The following FADS3 variants were observed in gnomAD, a reference collection of about 807,000 sequenced individuals.
The protein encoded by FADS3 is cytochrome b5-related protein.
In FADS3, 30 loss-of-function variants were observed where a neutral mutation model predicts 60.4. The ratio of observed to expected loss-of-function variants is 0.50; its 90% CI spans 0.37 to 0.67. The LOEUF (loss-of-function observed/expected upper bound fraction) is 0.67. Ranked by LOEUF, FADS3 falls within the 30% of genes least tolerant of loss-of-function variation. The pLI, the probability that FADS3 is intolerant of heterozygous loss-of-function variation, is 0.00. For synonymous variants in FADS3, 234 were observed against 249.3 expected, an observed-to-expected ratio of 0.94 and a Z score of 0.58; for missense variants, 432 against 598.3, an observed-to-expected ratio of 0.72 and a Z score of 2.90.
Position 61,873,578 on chromosome 11 carries a change from T to G in FADS3, c.*236A>C. The G allele has an allele frequency of 1.8e-6, 1 of 568,026 alleles. No homozygotes were observed. The highest frequency in any genetic ancestry group is 2.1e-5 in the South Asian group (1 of 47,328). 35.2% of individuals were successfully genotyped at this position (568,026 alleles called of 1,614,324 possible). A position where few individuals can be genotyped will look rare whatever the true frequency, so the allele number is the denominator to read the frequency against. On this transcript the variant is annotated 3_prime_UTR_variant, in exon 12 of 12. Coordinates refer to ENST00000278829, the MANE Select transcript of FADS3 (RefSeq NM_021727.5). ...ATAACAGCTTTCCCCCAATTCTCGC[T>G]CTAGGAAAATGTGCTATGCTCACCT... is the stretch of plus-strand genomic sequence containing the variant.
At chr11:61,874,310 G>T (rs1480039823) in intron 11 of FADS3, among the ~76,000 whole-genome samples, 61 of 152,246 alleles carry the variant, frequency 4.0e-4, no homozygotes, top group Non-Finnish European at 1.5e-5. Flanking sequence ...AAAGGGCTGT[G>T]CCAAATGGCA....
At chr11:61,886,550 C>A (rs1938325897) in intron 1 of FADS3, among the ~76,000 whole-genome samples, 1 of 152,236 alleles carries the variant, frequency 6.6e-6, no homozygotes, top group South Asian at 2.1e-4. Context: ...ACCCCCCAAC[C>A]AACTCCTGTG....
At position 61,873,595 on chromosome 11, in the gene FADS3, T is replaced by C; in HGVS notation, c.*219A>G. 1.7e-6 allele frequency: 1 copy of C among 583,298 alleles called. No homozygotes were observed. The highest frequency in any genetic ancestry group is 3.1e-6 in the Non-Finnish European group (1 of 327,716). 36.1% of individuals were successfully genotyped at this position (583,298 alleles called of 1,614,324 possible). On this transcript the variant is annotated 3_prime_UTR_variant, in exon 12 of 12. Transcript: ENST00000278829. ...ATTCTCGCTCTAGGAAAATGTGCTA[T>C]GCTCACCTTCCCTCTACCCCTGTCC...
chr11:61,879,083 G>T (rs1330323051), intron 3 of FADS3, among the ~76,000 whole-genome samples: 1 of 152,246 alleles, frequency 6.6e-6, no homozygotes. Context: ...CCCTGTGCTT[G>T]ATCGGAATCT....
rs567982589 is a variant in FADS3, at chr11:61,878,853, G to A, written c.523-6C>T. The stretch of plus-strand genomic sequence containing the variant: ...TGCAGACACCAGGACTGAGCCTGGG[G>A]AGAGAGGCAGGGTCAGAAGCTGTTG... On this transcript the variant is annotated splice_region_variant and splice_polypyrimidine_tract_variant and intron_variant, in intron 3 of 11. Coordinates refer to ENST00000278829, the MANE Select transcript of FADS3 (RefSeq NM_021727.5). The A allele has an allele frequency of 7.4e-6, 12 of 1,613,250 alleles. No homozygotes were observed. The highest frequency in any genetic ancestry group is 1.0e-5 in the Non-Finnish European group (12 of 1,179,376).
intron 11 of FADS3, 63 bp downstream of exon 11, chr11:61,875,788 G>A (rs1324676263): frequency 1.3e-6 from 2 of 1,579,660 alleles, no homozygotes; most frequent in South Asian, 1.1e-5. Flanking sequence ...GGCTGACCTG[G>A]ACAAGGGTAG....
At position 61,875,983 on chromosome 11, in the gene FADS3, G is replaced by T. The variant is rs745888723; in HGVS notation, c.1161-7C>A. 1.3e-4 allele frequency: 208 copies of T among 1,613,468 alleles called. 1 individual carries two copies. The highest frequency in any genetic ancestry group is 1.7e-4 in the Non-Finnish European group (199 of 1,180,034). ...CGGCATCCTGGGGAAGAGGCTGGGGGTGGGGAGCGTATGCTGGCACCTGAA... is the reference window on the plus strand; with the variant it reads ...CGGCATCCTGGGGAAGAGGCTGGGGTTGGGGAGCGTATGCTGGCACCTGAA... On this transcript the variant is annotated splice_polypyrimidine_tract_variant and splice_region_variant and intron_variant, in intron 10 of 11. Coordinates refer to ENST00000278829, the MANE Select transcript of FADS3 (RefSeq NM_021727.5).
In FADS3 at chr11:61,879,353, C is replaced by A; in HGVS notation, c.481G>T (p.Val161Leu). The A allele has an allele frequency of 6.4e-7, 1 of 1,560,070 alleles. No homozygotes were observed. The highest frequency in any genetic ancestry group is 8.7e-7 in the Non-Finnish European group (1 of 1,151,922). Residue 161 changes from valine to leucine, a missense_variant, in exon 3 of 12, where the codon GTG becomes TTG. By Grantham distance (32) the Val-to-Leu change is conservative (BLOSUM62 1). Transcript: ENST00000278829. ...LLIYLLGPGW[V>L]PSALAAFILA... ...ATGAAGGCGGCCAGGGCACTGGGCA[C>A]CCAGCCAGGACCCAGGAGGTAGATA...
At chr11:61,883,539 A>T (rs980136855) in intron 1 of FADS3, among the ~76,000 whole-genome samples, 10 of 152,216 alleles carry the variant, frequency 6.6e-5, no homozygotes, top group Non-Finnish European at 1.0e-4. Context: ...GCCCACATGA[A>T]CACTCAGCCA....
chr11:61,878,978 G>A, intron 3 of FADS3, 131 bp from the exon 4 acceptor site: 1 of 733,980 alleles, frequency 1.4e-6, no homozygotes, highest in South Asian at 1.9e-5. Context: ...TTGTGGGCCA[G>A]TGTCCTCTTT....
At chr11:61,887,624 G>C (rs1021899606) in intron 1 of FADS3, among the ~76,000 whole-genome samples, 1 of 152,166 alleles carries the variant, frequency 6.6e-6, no homozygotes, top group Non-Finnish European at 1.5e-5. Context: ...AACACAGGAC[G>C]CACGGTCCCA....
At position 61,884,391 on chromosome 11, in the gene FADS3, G is replaced by C. The variant is rs560062181; in HGVS notation, c.214-4240C>G. Among the ~76,000 whole-genome samples, 10 of 152,242 alleles carry C rather than the reference G, an allele frequency of 6.6e-5. No individual in the cohort carries two copies. The South Asian group carries it at 1.7e-3, about 25-fold the overall frequency. ...CTTAAAACCTAGATGAGGGGTTGAC[G>C]GGTGCAGCAAACCACCATGGCACAT... On this transcript the variant is annotated intron_variant, in intron 1 of 11. Transcript: ENST00000278829.
chr11:61,878,901 C>G, intron 3 of FADS3, 54 bp from the exon 4 acceptor site: 1 of 1,534,156 alleles, frequency 6.5e-7, no homozygotes, highest in Non-Finnish European at 8.9e-7. Context: ...CCCGCCAGGG[C>G]CTGGGGCCCC....
At chr11:61,888,856 T>G (rs536825302) in intron 1 of FADS3, among the ~76,000 whole-genome samples, 40 of 152,242 alleles carry the variant, frequency 2.6e-4, no homozygotes, top group African/African-American at 9.6e-4. Flanking sequence ...GTGCCTCCAA[T>G]AGCAGAGCTG....
chr11:61,878,711 C>A, intron 4 of FADS3, 35 bp downstream of exon 4: 1 of 1,612,272 alleles, frequency 6.2e-7, no homozygotes, highest in Non-Finnish European at 8.5e-7. Context: ...CCCAGCGCCA[C>A]CCAGCACCTG....
At position 61,877,506 on chromosome 11, in the gene FADS3, C is replaced by T; in HGVS notation, c.885+5G>A. 6.2e-7 allele frequency: 1 copy of T among 1,612,806 alleles called. No homozygotes were observed. The highest frequency in any genetic ancestry group is 1.3e-5 in the African/African-American group (1 of 75,064). ...ATGCCCGGGGTCCTGGGCAACCCCACTCACCGCCCACTGCATGCACACCAG... is the reference window on the plus strand; with the variant it reads ...ATGCCCGGGGTCCTGGGCAACCCCATTCACCGCCCACTGCATGCACACCAG... On this transcript the variant is annotated splice_donor_5th_base_variant and intron_variant, in intron 7 of 11. Coordinates refer to ENST00000278829, the MANE Select transcript of FADS3 (RefSeq NM_021727.5). The surrounding 1 kb of genome is among the most constrained non-coding windows in gnomAD (Gnocchi z 4.7).
Position 61,873,623 on chromosome 11 carries a change from T to A in FADS3, c.*191A>T. 1.6e-6 allele frequency: 1 copy of A among 608,120 alleles called. No individual in the cohort carries two copies. The highest frequency in any genetic ancestry group is 3.0e-6 in the Non-Finnish European group (1 of 338,190). 37.7% of individuals were successfully genotyped at this position (608,120 alleles called of 1,614,324 possible). ...TCACCTTCCCTCTACCCCTGTCCCA[T>A]CAGGCCCAGAGCCAAGGCCATAGGG... is the stretch of plus-strand genomic sequence containing the variant. On this transcript the variant is annotated 3_prime_UTR_variant, in exon 12 of 12. Transcript: ENST00000278829.
Position 61,877,199 on chromosome 11 carries a change from G to A in FADS3, c.886-236C>T, listed in dbSNP as rs1591191368. 3 of 558,690 alleles carry A rather than the reference G, an allele frequency of 5.4e-6. No homozygotes were observed. Among genetic ancestry groups the A allele is most frequent in the Non-Finnish European group, 3.2e-6 (1 of 312,086 alleles). 34.6% of individuals were successfully genotyped at this position (558,690 alleles called of 1,614,324 possible). A position where few individuals can be genotyped will look rare whatever the true frequency, so the allele number is the denominator to read the frequency against. ...AAGGTGTCATGCAGGGTGTGTTGGG[G>A]AAGACCCTGCCAGGGACACAGATGC... On this transcript the variant is annotated intron_variant, in intron 7 of 11. Transcript: ENST00000278829. This position sits in a 1 kb window ranked among gnomAD's most constrained non-coding sequence, Gnocchi z 4.7.
intron 1 of FADS3, among the ~76,000 whole-genome samples, chr11:61,882,774 G>A (rs1411178896): frequency 1.3e-5 from 2 of 152,106 alleles, no homozygotes; most frequent in Non-Finnish European, 2.9e-5. Flanking sequence ...CTGTCGCCCA[G>A]ACTGGGTTGC....
Sources: gnomAD v4.1 joint callset for allele counts (sites outside exome capture counted in the v4.1 genomes callset) on GRCh38, gnomAD v4.1.1 for gene constraint, Gnocchi (gnomAD v3.1) non-coding constraint, MANE v1.5 for transcripts, NCBI Gene and HGNC (gene_info 2026-07-23, HGNC 2026-07-21) for gene names.